JAK1: variants seen among roughly 807,000 people sequenced by gnomAD.
The protein encoded by JAK1 is tyrosine-protein kinase JAK1.
In JAK1, 16 loss-of-function variants were observed where a neutral mutation model predicts 136.6. The observed-to-expected ratio is 0.12, with a 90% CI of 0.08 to 0.18. JAK1 has a LOEUF of 0.18. JAK1 is among the 10% of genes least tolerant of loss of function. The pLI, the probability that JAK1 is intolerant of heterozygous loss-of-function variation, is 1.00. For missense variants in JAK1, 859 were observed against 1,450.1 expected (o/e 0.59, Z 6.62); for synonymous variants, 492 against 519.5 (o/e 0.95, Z 0.72).
chr1:64,951,338 C>T (rs1646083285), intron 1 of JAK1, among the ~76,000 whole-genome samples: 1 of 152,160 alleles, frequency 6.6e-6, no homozygotes, highest in South Asian at 2.1e-4. Flanking sequence ...GTTGCCTGAT[C>T]CTTCCTTACT....
At chr1:65,057,562 G>A (rs1647602004) in intron 1 of JAK1, among the ~76,000 whole-genome samples, 2 of 152,144 alleles carry the variant, frequency 1.3e-5, no homozygotes, top group African/African-American at 4.8e-5. Flanking sequence ...TGGGTGGCCT[G>A]AGCCTGTAGT....
chr1:64,999,298 A>C (rs986162577), intron 2 of JAK1, among the ~76,000 whole-genome samples: 7 of 152,192 alleles, frequency 4.6e-5, no homozygotes, highest in Admixed American at 2.0e-4. Flanking sequence ...CAAGCACATA[A>C]GATAACTCAC....
intron 1 of JAK1, among the ~76,000 whole-genome samples, chr1:65,063,963 AT>A (rs1218533326): frequency 6.6e-6 from 1 of 152,220 alleles, no homozygotes; most frequent in Non-Finnish European, 1.5e-5. Context: ...GGTGGAATTA[AT>A]AGCATATTCA....
At chr1:64,945,225 G>A (rs1222353660) in intron 1 of JAK1, among the ~76,000 whole-genome samples, 2 of 152,078 alleles carry the variant, frequency 1.3e-5, no homozygotes, top group Non-Finnish European at 2.9e-5. Flanking sequence ...GGGGTGAGAG[G>A]TGTCTGCAAT....
chr1:64,848,835 C>T (rs1017468098), intron 12 of JAK1, among the ~76,000 whole-genome samples: 1 of 152,178 alleles, frequency 6.6e-6, no homozygotes, highest in African/African-American at 2.4e-5. Flanking sequence ...TAGGAACATA[C>T]ACCATTGTTA....
upstream of JAK1, among the ~76,000 whole-genome samples, chr1:64,967,925 C>A (rs1289352025): frequency 2.6e-5 from 4 of 152,104 alleles, no homozygotes; most frequent in South Asian, 6.2e-4. Context: ...CTGAACAACA[C>A]CTCAGGGCTG....
chr1:64,922,211 A>T (rs192324613), intron 1 of JAK1, among the ~76,000 whole-genome samples: 291 of 148,908 alleles, frequency 2.0e-3, no homozygotes, highest in Non-Finnish European at 3.2e-3. Flanking sequence ...GTTACTTGAG[A>T]ACAACTAATC....
chr1:64,866,780 G>T, intron 7 of JAK1, 86 bp downstream of exon 7: 1 of 956,348 alleles, frequency 1.0e-6, no homozygotes, highest in Non-Finnish European at 1.6e-6. Flanking sequence ...TGATGGACAT[G>T]CAGACAGATG....
At chr1:64,913,641 G>GAGGAAGGAAAGAAGGAAGGA in intron 1 of JAK1, among the ~76,000 whole-genome samples, 1 of 56,884 alleles carries the variant, frequency 1.8e-5, no homozygotes. Flanking sequence ...GGGAGGAAGG[G>GAGGAAGGAAAGAAGGAAGGA]AGGAAGGAAG....
At chr1:64,882,495 T>C (rs1227708681) in intron 3 of JAK1, among the ~76,000 whole-genome samples, 1 of 152,224 alleles carries the variant, frequency 6.6e-6, no homozygotes, top group Non-Finnish European at 1.5e-5. Flanking sequence ...CAGATTCTAG[T>C]GTATTTACTC....
At chr1:65,039,853 T>C (rs1375736119) in intron 2 of JAK1, among the ~76,000 whole-genome samples, 1 of 152,154 alleles carries the variant, frequency 6.6e-6, no homozygotes, top group Non-Finnish European at 1.5e-5. Flanking sequence ...TAGTTTCCAA[T>C]AGCTGCTGTA....
chr1:64,928,789 A>AAAAAAAAAAAAAAAAAAC (rs1383237233), intron 1 of JAK1, among the ~76,000 whole-genome samples: 1 of 123,144 alleles, frequency 8.1e-6, no homozygotes, highest in African/African-American at 4.0e-5. Context: ...AAAAAAAAAA[A>AAAAAAAAAAAAAAAAAAC]AAAAAAACAA....
At chr1:64,857,598 G>A in intron 10 of JAK1, 58 bp downstream of exon 10, 1 of 1,605,688 alleles carries the variant, frequency 6.2e-7, no homozygotes, top group Non-Finnish European at 8.5e-7. Flanking sequence ...TCCTGAACCA[G>A]GCTACACTGG....
At chr1:65,064,464 C>G (rs1168644563) in intron 1 of JAK1, among the ~76,000 whole-genome samples, 1 of 152,212 alleles carries the variant, frequency 6.6e-6, no homozygotes, top group Non-Finnish European at 1.5e-5. Context: ...CACTTCCAAT[C>G]TTTAAGTTGT....
At chr1:64,960,914 T>C (rs1433572854) in intron 1 of JAK1, among the ~76,000 whole-genome samples, 1 of 152,200 alleles carries the variant, frequency 6.6e-6, no homozygotes, top group African/African-American at 2.4e-5. Flanking sequence ...TGATTAACAA[T>C]GCAACCTCAA....
intron 1 of JAK1, among the ~76,000 whole-genome samples, chr1:64,942,721 G>A (rs923658191): frequency 6.6e-6 from 1 of 152,106 alleles, no homozygotes; most frequent in Non-Finnish European, 1.5e-5. Context: ...AGCAAAAGGT[G>A]TAATCGTAGA....
intron 2 of JAK1, among the ~76,000 whole-genome samples, chr1:65,035,138 A>C (rs552578755): frequency 4.3e-4 from 65 of 152,318 alleles, no homozygotes; most frequent in South Asian, 1.0e-3. Flanking sequence ...AAAATACTTC[A>C]GGATTTTCTC....
intron 4 of JAK1, 32 bp from the exon 5 acceptor site, chr1:64,873,555 G>T: frequency 1.2e-6 from 2 of 1,613,614 alleles, no homozygotes; most frequent in Non-Finnish European, 1.7e-6. Context: ...GCCAATTGTG[G>T]CAAAGGGGAC....
intron 1 of JAK1, among the ~76,000 whole-genome samples, chr1:64,919,427 T>C (rs930953994): frequency 1.3e-5 from 2 of 152,342 alleles, no homozygotes; most frequent in South Asian, 2.1e-4. Context: ...TGATGGACAT[T>C]TGGGTTGGTT....
Sources: gnomAD v4.1 joint callset for allele counts (sites outside exome capture counted in the v4.1 genomes callset) on GRCh38, gnomAD v4.1.1 for gene constraint, MANE v1.5 for transcripts, NCBI Gene and HGNC (gene_info 2026-07-23, HGNC 2026-07-21) for gene names.